Variants in GRM1 observed in about 807,000 individuals in gnomAD.
The protein encoded by GRM1 is metabotropic glutamate receptor 1.
A neutral mutation model predicts 90.9 loss-of-function variants in GRM1; 33 were observed. The ratio of observed to expected loss-of-function variants is 0.36; its 90% CI spans 0.28 to 0.49. The LOEUF (loss-of-function observed/expected upper bound fraction) is 0.49. GRM1 is among the 20% of genes least tolerant of loss of function. The probability of loss-of-function intolerance (pLI) is 0.99; values close to 1 mark genes in which losing one functional copy is unlikely to be tolerated. For missense variants in GRM1, 1,190 were observed against 1,534.3 expected (o/e 0.78, Z 3.75); for synonymous variants, 700 against 613.2 (o/e 1.14, Z -2.09).
At chr6:146,282,045 C>G (rs554753094) in intron 2 of GRM1, among the ~76,000 whole-genome samples, 1 of 152,206 alleles carries the variant, frequency 6.6e-6, no homozygotes, top group African/African-American at 2.4e-5. Context: ...GAATCATAAA[C>G]AAGAAATCAA....
chr6:146,208,581 C>T (rs1338185718), intron 2 of GRM1, among the ~76,000 whole-genome samples: 1 of 152,070 alleles, frequency 6.6e-6, no homozygotes, highest in Non-Finnish European at 1.5e-5. Context: ...TTTCTTCATT[C>T]TACTCATGTC....
Position 146,407,221 on chromosome 6 carries a change from G to A in GRM1, c.2660+7522G>A, listed in dbSNP as rs528867965. Among the ~76,000 whole-genome samples, 350 of 152,312 alleles carry A rather than the reference G, an allele frequency of 2.3e-3. 2 individuals are homozygous for A. The highest frequency in any genetic ancestry group is 7.9e-3 in the African/African-American group (328 of 41,574). ...ACCACCTGGAAAGCCACATGCTCAAGTGCAAGGAAGGGGCGAATGGCCCCA... is the reference window on the plus strand; with the variant it reads ...ACCACCTGGAAAGCCACATGCTCAAATGCAAGGAAGGGGCGAATGGCCCCA... On this transcript the variant is annotated intron_variant, in intron 7 of 7. Coordinates refer to ENST00000282753, the MANE Select transcript of GRM1 (RefSeq NM_001278064.2).
intron 2 of GRM1, among the ~76,000 whole-genome samples, chr6:146,230,744 C>A (rs1393508245): frequency 1.3e-5 from 2 of 151,994 alleles, no homozygotes; most frequent in African/African-American, 4.8e-5. Flanking sequence ...TTTATAATTA[C>A]CAAATCTTGG....
chr6:146,250,829 A>G (rs1781243806), intron 2 of GRM1, among the ~76,000 whole-genome samples: 1 of 152,190 alleles, frequency 6.6e-6, no homozygotes, highest in South Asian at 2.1e-4. Flanking sequence ...TAGCTGACAG[A>G]TTTAAGGGTA....
intron 2 of GRM1, among the ~76,000 whole-genome samples, chr6:146,196,901 C>G (rs968270721): frequency 6.6e-6 from 1 of 152,278 alleles, no homozygotes; most frequent in South Asian, 2.1e-4. Context: ...GTGTTGGGTA[C>G]TTTATTCTGT....
chr6:146,195,021 A>G (rs1470630450), intron 2 of GRM1, among the ~76,000 whole-genome samples: 1 of 152,228 alleles, frequency 6.6e-6, no homozygotes, highest in Non-Finnish European at 1.5e-5. Flanking sequence ...TGTCCAGAAG[A>G]TTGTAATCAC....
chr6:146,242,399 G>A (rs1200312763), intron 2 of GRM1, among the ~76,000 whole-genome samples: 4 of 152,108 alleles, frequency 2.6e-5, no homozygotes, highest in Admixed American at 2.6e-4. Flanking sequence ...AGGACCAGAT[G>A]TTGAGGATTT....
intron 7 of GRM1, among the ~76,000 whole-genome samples, chr6:146,423,355 A>G (rs1283869013): frequency 6.6e-6 from 1 of 152,196 alleles, no homozygotes; most frequent in Non-Finnish European, 1.5e-5. Flanking sequence ...ACCTTTAATA[A>G]AACACTCCTT....
rs1343877613 is a variant in GRM1 at position 146,270,904 on chromosome 6, TCTTTCTTTCTTCCTTC to T, written c.951-33703_951-33688del. Among the ~76,000 whole-genome samples the T allele has an allele frequency of 3.7e-3, 420 of 113,832 alleles. 1 individual carries two copies. Among genetic ancestry groups the T allele is most frequent in the African/African-American group, 5.0e-3 (112 of 22,462 alleles). The allele number at this position is 113,832 out of a possible 152,430, so 74.7% of individuals were successfully genotyped here. ...TTCTTTCTTTCTTTCTTTCTTTCTT[TCTTTCTTTCTTCCTTC>T]CTTCCTTCCTTCCTTCCTTCCTTCC... On this transcript the variant is annotated intron_variant, in intron 2 of 7. Coordinates refer to ENST00000282753, the MANE Select transcript of GRM1 (RefSeq NM_001278064.2).
intron 7 of GRM1, among the ~76,000 whole-genome samples, chr6:146,422,480 G>A (rs1173010339): frequency 1.3e-5 from 2 of 152,076 alleles, no homozygotes; most frequent in African/African-American, 4.8e-5. Context: ...GGTATTAATA[G>A]CAATGGCTTA....
intron 1 of GRM1, among the ~76,000 whole-genome samples, chr6:146,089,467 T>C (rs1378223203): frequency 6.6e-6 from 1 of 152,074 alleles, no homozygotes; most frequent in Admixed American, 6.6e-5. Context: ...TAAGGGATAA[T>C]GTGTGTGTGT....
intron 5 of GRM1, among the ~76,000 whole-genome samples, chr6:146,358,596 C>CCAT (rs1775321249): frequency 6.6e-6 from 1 of 151,814 alleles, no homozygotes; most frequent in Admixed American, 6.6e-5. Flanking sequence ...GCTGACATGC[C>CCAT]GCTGTACCAT....
At chr6:146,145,701 A>G (rs915646630) in intron 1 of GRM1, among the ~76,000 whole-genome samples, 4 of 152,228 alleles carry the variant, frequency 2.6e-5, no homozygotes, top group Admixed American at 6.5e-5. Context: ...GAGGCACTGC[A>G]GAGATATCCC....
intron 1 of GRM1, among the ~76,000 whole-genome samples, chr6:146,046,681 G>T (rs1791342394): frequency 6.6e-6 from 1 of 152,012 alleles, no homozygotes; most frequent in South Asian, 2.1e-4. Flanking sequence ...ATCCAGGTGT[G>T]CAGAGGCCAA....
At chr6:146,315,982 G>A (rs1241119445) in intron 3 of GRM1, among the ~76,000 whole-genome samples, 8 of 152,066 alleles carry the variant, frequency 5.3e-5, no homozygotes, top group African/African-American at 1.9e-4. Flanking sequence ...ATTTTGTATT[G>A]CTGTCATAAC....
chr6:146,359,883 C>G (rs913254845), intron 5 of GRM1, among the ~76,000 whole-genome samples: 2 of 152,054 alleles, frequency 1.3e-5, no homozygotes, highest in East Asian at 1.9e-4. Flanking sequence ...AATTGTATAC[C>G]CTGCAGAAGG....
chr6:146,045,901 T>G (rs1791313523), intron 1 of GRM1, among the ~76,000 whole-genome samples: 1 of 151,944 alleles, frequency 6.6e-6, no homozygotes, highest in Admixed American at 6.6e-5. Flanking sequence ...GATGTTATAT[T>G]TTTCTCAATC....
At chr6:146,084,474 CTGCCTTAATT>C (rs1391963128) in intron 1 of GRM1, among the ~76,000 whole-genome samples, 13 of 152,192 alleles carry the variant, frequency 8.5e-5, no homozygotes, top group African/African-American at 2.9e-4. Flanking sequence ...TTCTTGATTT[CTGCCTTAATT>C]TAATTATTTA....
In GRM1 at chr6:146,434,627, C is replaced by G; in HGVS notation, c.3416C>G (p.Pro1139Arg). 6.2e-7 allele frequency: 1 copy of G among 1,612,128 alleles called. No homozygotes were observed. The highest frequency in any genetic ancestry group is 8.5e-7 in the Non-Finnish European group (1 of 1,180,006). The change falls in exon 8 of 8, where the codon CCG (proline) becomes CGG (arginine). Residue 1139 changes from proline to arginine, a missense_variant. This residue lies in a region of GRM1 where 400 missense variants were observed against 360.8 expected (regional missense o/e 1.11). Transcript: ENST00000282753. ...CTGCAGGCGGCCAGCAAACTGACCCCGGATGATTCGCCTGCGCTGACGCCT... is the reference window on the plus strand; with the variant it reads ...CTGCAGGCGGCCAGCAAACTGACCCGGGATGATTCGCCTGCGCTGACGCCT... ...EDLQAASKLT[P>R]DDSPALTPPS...
Sources: allele counts gnomAD v4.1 joint callset (sites outside exome capture counted in the v4.1 genomes callset), GRCh38; gene constraint gnomAD v4.1.1; regional missense constraint gnomAD v4.1.1; transcripts MANE v1.5; gene names NCBI Gene and HGNC (gene_info 2026-07-23, HGNC 2026-07-21).